The following DCDC1 variants were observed in gnomAD, a reference collection of about 807,000 sequenced individuals.
DCDC1 encodes the protein doublecortin domain containing 1.
Under a neutral mutation model 178.3 loss-of-function variants are expected in DCDC1, and 200 were observed. That is an observed-to-expected ratio of 1.12 (90% confidence interval 1.00 to 1.26). DCDC1 has a LOEUF of 1.26. Among genes scored for constraint, DCDC1 ranks in the 50% most tolerant of loss-of-function variants. DCDC1 has a pLI of 0.00. For synonymous variants in DCDC1, 690 were observed against 604.8 expected (o/e 1.14, Z -2.07); for missense variants, 1,983 against 1,749.2 (o/e 1.13, Z -2.38).
intron 9 of DCDC1, among the ~76,000 whole-genome samples, chr11:31,145,794 T>C (rs534951025): frequency 6.6e-6 from 1 of 152,304 alleles, no homozygotes; most frequent in South Asian, 2.1e-4. Flanking sequence ...TACACTTGAT[T>C]GTCCTTCTCA....
intron 3 of DCDC1, among the ~76,000 whole-genome samples, chr11:31,321,878 C>G (rs145654080): frequency 3.3e-5 from 5 of 152,224 alleles, no homozygotes; most frequent in African/African-American, 1.2e-4. Context: ...TTTACAATTA[C>G]TGATCACGAT....
At chr11:31,023,735 G>A (rs868512679) in intron 20 of DCDC1, among the ~76,000 whole-genome samples, 5 of 151,682 alleles carry the variant, frequency 3.3e-5, no homozygotes, top group Admixed American at 2.6e-4. Context: ...TATATAAATC[G>A]AAAAACTTAG....
At chr11:31,174,555 C>T (rs900971182) in intron 9 of DCDC1, among the ~76,000 whole-genome samples, 5 of 152,150 alleles carry the variant, frequency 3.3e-5, no homozygotes, top group African/African-American at 4.8e-5. Context: ...CTCGTGAAGC[C>T]CCACCTTCAG....
At chr11:30,899,140 C>CAA (rs796228482) in intron 34 of DCDC1, among the ~76,000 whole-genome samples, 5 of 142,384 alleles carry the variant, frequency 3.5e-5, no homozygotes, top group African/African-American at 1.3e-4. Flanking sequence ...AACAAAAAAA[C>CAA]AAAAAAAAAA....
intron 9 of DCDC1, among the ~76,000 whole-genome samples, chr11:31,158,694 T>G (rs1027237835): frequency 2.6e-5 from 4 of 152,198 alleles, no homozygotes; most frequent in African/African-American, 7.2e-5. Context: ...ATTATAAATG[T>G]TTTGAATTGT....
At chr11:31,301,690 TCGTG>T (rs1948127200) in intron 6 of DCDC1, among the ~76,000 whole-genome samples, 3 of 152,180 alleles carry the variant, frequency 2.0e-5, no homozygotes, top group Admixed American at 2.0e-4. Context: ...GTCTTGTGTG[TCGTG>T]GAATTGAAAT....
chr11:31,005,961 A>C (rs1196135337), intron 20 of DCDC1, among the ~76,000 whole-genome samples: 2 of 146,336 alleles, frequency 1.4e-5, no homozygotes, highest in African/African-American at 2.5e-5. Flanking sequence ...TGAAAAAAAA[A>C]AAAAAAAAAA....
chr11:31,079,430 A>T (rs1037855076), intron 17 of DCDC1, among the ~76,000 whole-genome samples: 1 of 152,170 alleles, frequency 6.6e-6, no homozygotes, highest in Non-Finnish European at 1.5e-5. Flanking sequence ...ACATAAGTAA[A>T]TGTTTCTCTG....
chr11:31,328,765 C>T (rs1208965273), intron 2 of DCDC1, among the ~76,000 whole-genome samples: 2 of 146,990 alleles, frequency 1.4e-5, no homozygotes, highest in South Asian at 2.1e-4. Flanking sequence ...GCGGTGAGAT[C>T]GCGCCACTGC....
At chr11:31,342,874 T>C (rs757080319) in intron 1 of DCDC1, among the ~76,000 whole-genome samples, 6 of 152,240 alleles carry the variant, frequency 3.9e-5, no homozygotes, top group Non-Finnish European at 8.8e-5. Context: ...GAAATAGTTT[T>C]ATTTTTTACT....
intron 9 of DCDC1, among the ~76,000 whole-genome samples, chr11:31,213,402 A>G (rs1038818989): frequency 6.6e-6 from 1 of 151,924 alleles, no homozygotes; most frequent in African/African-American, 2.4e-5. Flanking sequence ...TTAAATCCCC[A>G]AAGCTTAACA....
rs538572009 is a variant in DCDC1, at chr11:31,212,360, C to G, written c.1221+29090G>C. Among the ~76,000 whole-genome samples the G allele has an allele frequency of 8.0e-4, 121 of 152,002 alleles. 1 individual carries two copies. The highest frequency in any genetic ancestry group is 2.7e-3 in the African/African-American group (114 of 41,460). On this transcript the variant is annotated intron_variant, in intron 9 of 38. Transcript: ENST00000684477. Reference sequence around the variant, plus strand: ...AAGAGGTGATTAAGTAGAAATTTAACTGCTATATATCAAAACACACTAAAA... The same window carrying G: ...AAGAGGTGATTAAGTAGAAATTTAAGTGCTATATATCAAAACACACTAAAA...
intron 9 of DCDC1, among the ~76,000 whole-genome samples, chr11:31,210,218 C>T (rs571862266): frequency 6.6e-6 from 1 of 152,174 alleles, no homozygotes; most frequent in African/African-American, 2.4e-5. Context: ...TGCCCTCCCA[C>T]GCAAAGAGAA....
At chr11:31,239,738 C>A (rs111489609) in intron 9 of DCDC1, among the ~76,000 whole-genome samples, 214 of 151,846 alleles carry the variant, frequency 1.4e-3, no homozygotes, top group African/African-American at 4.9e-3. Context: ...CAGACAATCA[C>A]AGAGACACTA....
At chr11:31,252,699 C>A (rs1478472381) in intron 8 of DCDC1, among the ~76,000 whole-genome samples, 1 of 151,922 alleles carries the variant, frequency 6.6e-6, no homozygotes, top group African/African-American at 2.4e-5. Context: ...GGATATTTAA[C>A]CTCGAAACAC....
intron 20 of DCDC1, among the ~76,000 whole-genome samples, chr11:30,992,965 A>G (rs1176718493): frequency 6.6e-6 from 1 of 152,190 alleles, no homozygotes; most frequent in Admixed American, 6.6e-5. Context: ...TGCATATTTC[A>G]TAAGAGATTT....
At position 31,229,410 on chromosome 11, in the gene DCDC1, G is replaced by A. The variant is rs1042612402; in HGVS notation, c.1221+12040C>T. 2.6e-5 allele frequency among the ~76,000 whole-genome samples: 4 copies of A among 152,152 alleles called. 1 individual carries two copies. Among genetic ancestry groups the A allele is most frequent in the Middle Eastern group, 6.8e-3 (2 of 294 alleles). ...AAGGAGGATAATACATAATATATAT[G>A]TAAATACTACATGAACAAGTAATGT... On this transcript the variant is annotated intron_variant, in intron 9 of 38. Coordinates refer to ENST00000684477, the MANE Select transcript of DCDC1 (RefSeq NM_001387274.1).
chr11:31,048,167 T>C (rs918897311), intron 20 of DCDC1, among the ~76,000 whole-genome samples: 4 of 152,320 alleles, frequency 2.6e-5, no homozygotes, highest in Admixed American at 2.6e-4. Flanking sequence ...CTAATCTGAC[T>C]GTAGTTCAGA....
chr11:31,154,468 T>C (rs192248728), intron 9 of DCDC1, among the ~76,000 whole-genome samples: 1 of 152,350 alleles, frequency 6.6e-6, no homozygotes, highest in Admixed American at 6.5e-5. Flanking sequence ...ATCACAGCAC[T>C]TATCACAGTG....
Sources: gnomAD v4.1 joint callset for allele counts (sites outside exome capture counted in the v4.1 genomes callset) on GRCh38, gnomAD v4.1.1 for gene constraint, MANE v1.5 for transcripts, NCBI Gene and HGNC (gene_info 2026-07-23, HGNC 2026-07-21) for gene names.